PLEC: variants seen among roughly 807,000 people sequenced by gnomAD.
The protein encoded by PLEC is hemidesmosomal protein 1.
A neutral mutation model predicts 392.8 loss-of-function variants in PLEC; 216 were observed. That is an observed-to-expected ratio of 0.55 (90% CI 0.49 to 0.62). PLEC has a LOEUF of 0.62. Among genes scored for constraint, PLEC ranks in the 20% least tolerant of loss-of-function variants. PLEC has a pLI of 0.00. For synonymous variants in PLEC, 3,621 were observed against 2,980.6 expected (o/e 1.21, Z -7.00); for missense variants, 6,863 against 6,563.4 (o/e 1.05, Z -1.58).
rs1372423608 is a variant in PLEC at position 143,924,335 on chromosome 8, CGCTCGTTCTCCGCCTCCTTCTCCTTGA to C, written c.5567_5593del (p.Leu1856_Glu1864del). The C allele has an allele frequency of 6.3e-7, 1 of 1,596,534 alleles. No individual in the cohort carries two copies. Among genetic ancestry groups the C allele is most frequent in the Non-Finnish European group, 8.5e-7 (1 of 1,178,630 alleles). ...CTCGTCCTCCGCCAGCCGCCGCAGG[CGCTCGTTCTCCGCCTCCTTCTCCTTGA>C]GCGCGATCTCCGCCTCCGTCTTGAG... On this transcript the variant is annotated inframe_deletion, in exon 31 of 32. Transcript: ENST00000345136.
At position 143,927,099 on chromosome 8, in the gene PLEC, G is replaced by A. The variant is rs62522552; in HGVS notation, c.3841-18C>T. 0.19 allele frequency: 300,869 copies of A among 1,598,542 alleles called. 31,574 individuals are homozygous for A. Among genetic ancestry groups the A allele is most frequent in the Non-Finnish European group, 0.22 (252,282 of 1,170,530 alleles). ...TCATAGTCCTGTGGCAATGCACTGC[G>A]GTCAGCCACCAGCTCTGCCCTCCGA... On this transcript the variant is annotated intron_variant, in intron 28 of 31. Coordinates refer to ENST00000345136, the MANE Select transcript of PLEC (RefSeq NM_201384.3).
chr8:143,944,818 G>A, intron 1 of PLEC: 1 of 731,040 alleles, frequency 1.4e-6, no homozygotes, highest in East Asian at 3.4e-5. Flanking sequence ...TGGGGGAGGG[G>A]AGCAGTGGGC....
intron 1 of PLEC, 91 bp downstream of exon 1, chr8:143,939,259 G>A (rs1193474802): frequency 1.0e-5 from 15 of 1,503,146 alleles, no homozygotes; most frequent in South Asian, 4.8e-5. Flanking sequence ...GCCCCCCAGC[G>A]GTGCCAAGGC....
In PLEC at chr8:143,922,068, C is replaced by CCTCCTGCTGCCGCCGCTGCTG; in HGVS notation, c.7732_7752dup (p.Gln2578_Glu2584dup). ...CTCTGGTTCTCCTCAGCCAGCAGCTCCTCCTGCTGCCGCCGCTGCTGCTCC... is the reference window on the plus strand; with the variant it reads ...CTCTGGTTCTCCTCAGCCAGCAGCTCCTCCTGCTGCCGCCGCTGCTGCTCCTGCTGCCGCCGCTGCTGCTCC... On this transcript the variant is annotated inframe_insertion, in exon 32 of 32. Coordinates refer to ENST00000345136, the MANE Select transcript of PLEC (RefSeq NM_201384.3). The CCTCCTGCTGCCGCCGCTGCTG allele has an allele frequency of 6.3e-7, 1 of 1,583,910 alleles. No homozygotes were observed. The highest frequency in any genetic ancestry group is 8.5e-7 in the Non-Finnish European group (1 of 1,173,080).
chr8:143,925,761 C>T lies in PLEC; in HGVS notation c.4168G>A (p.Ala1390Thr), dbSNP rs1482394059. The change falls in exon 31 of 32, where the codon GCG becomes ACG. Residue 1390 changes from alanine to threonine, a missense_variant. Physicochemically the swap from Ala to Thr is moderately conservative, Grantham distance 58 (BLOSUM62 0). Coordinates refer to ENST00000345136, the MANE Select transcript of PLEC (RefSeq NM_201384.3). ...AQAKAQAERE[A>T]KELQQRMQEE... ...TGCATGCGCTGCTGCAGCTCCTTCG[C>T]CTCCCGCTCCGCCTGTGCCTTTGCC... is the stretch of plus-strand genomic sequence containing the variant. 2 of 1,591,818 alleles carry T rather than the reference C, an allele frequency of 1.3e-6. No individual in the cohort carries two copies. The highest frequency in any genetic ancestry group is 1.7e-6 in the Non-Finnish European group (2 of 1,176,358).
At chr8:143,952,194 ACACACACACACACACG>A (rs1832233574), upstream of PLEC, among the ~76,000 whole-genome samples, 1 of 124,578 alleles carries the variant, frequency 8.0e-6, no homozygotes, top group African/African-American at 3.6e-5. Flanking sequence ...ACACACACAC[ACACACACACACACACG>A]CGCGCACACA....
rs201927593 is a variant in PLEC, at chr8:143,932,553, G to A, written c.1824C>T (p.Ser608=). The change falls in exon 16 of 32, where the codon TCC becomes TCT. Residue 608 remains serine (S), a synonymous_variant. Transcript: ENST00000345136. Reference sequence around the variant, plus strand: ...TCTCCAGGGACCTGAGGCGGGCCTTGGAGGAGTTCTGTGGGCAGGAGGGTG... The same window carrying A: ...TCTCCAGGGACCTGAGGCGGGCCTTAGAGGAGTTCTGTGGGCAGGAGGGTG... The part of the protein sequence containing the change: ...DLQYAKLLNS[S]KARLRSLESL... 2.5e-4 allele frequency: 396 copies of A among 1,612,548 alleles called. 1 individual carries two copies. The African/African-American group carries it at 4.6e-3, about 19-fold the overall frequency.
At chr8:143,966,806 A>T (rs555308060) in intron 1 of PLEC, among the ~76,000 whole-genome samples, 1 of 152,238 alleles carries the variant, frequency 6.6e-6, no homozygotes, top group South Asian at 2.1e-4. Flanking sequence ...GATGTTTACA[A>T]TCATCCCTGT....
At position 143,916,740 on chromosome 8, in the gene PLEC, C is replaced by T; in HGVS notation, c.13081G>A (p.Asp4361Asn). The change falls in exon 32 of 32, where the codon GAC (aspartate) becomes AAC (asparagine). Residue 4361 changes from aspartate to asparagine, a missense_variant. Coordinates refer to ENST00000345136, the MANE Select transcript of PLEC (RefSeq NM_201384.3). ...GACATCTTGGTCTTGGTGCGTGGGT[C>T]CTCGAAGCCGCAGAAGGCCTTCTGG... ...LAQKAFCGFE[D>N]PRTKTKMSAA... 6.2e-7 allele frequency: 1 copy of T among 1,613,166 alleles called. No homozygotes were observed. The highest frequency in any genetic ancestry group is 2.2e-5 in the East Asian group (1 of 44,870).
At chr8:143,951,897 C>A (rs1331625663), upstream of PLEC, among the ~76,000 whole-genome samples, 1 of 152,146 alleles carries the variant, frequency 6.6e-6, no homozygotes, top group African/African-American at 2.4e-5. Flanking sequence ...GCTGCCGCCC[C>A]CACTGAGGGT....
At position 143,917,753 on chromosome 8, in the gene PLEC, A is replaced by T; in HGVS notation, c.12068T>A (p.Ile4023Asn). 6.2e-7 allele frequency: 1 copy of T among 1,613,452 alleles called. No homozygotes were observed. Among genetic ancestry groups the T allele is most frequent in the Non-Finnish European group, 8.5e-7 (1 of 1,179,972 alleles). ...GYKDPYSGKL[I>N]SLFQAMKKGL... Reference sequence around the variant, plus strand: ...CTTCTTCATGGCCTGGAAGAGGGAGATGAGCTTCCCAGAGTAGGGGTCCTT... The same window carrying T: ...CTTCTTCATGGCCTGGAAGAGGGAGTTGAGCTTCCCAGAGTAGGGGTCCTT... The change falls in exon 32 of 32, where the codon ATC becomes AAC. Residue 4023 changes from isoleucine to asparagine, a missense_variant. Coordinates refer to ENST00000345136, the MANE Select transcript of PLEC (RefSeq NM_201384.3).
chr8:143,916,732 G>A lies in PLEC; in HGVS notation c.13089C>T (p.Arg4363=). The A allele has an allele frequency of 6.2e-7, 1 of 1,613,134 alleles. No homozygotes were observed. The stretch of plus-strand genomic sequence containing the variant: ...GGGCGGCCGACATCTTGGTCTTGGT[G>A]CGTGGGTCCTCGAAGCCGCAGAAGG... ...QKAFCGFEDP[R]TKTKMSAAQA... is the part of the protein sequence containing the mutation. Residue 4363 remains arginine, a synonymous_variant, in exon 32 of 32, where the codon CGC becomes CGT. Transcript: ENST00000345136.
chr8:143,936,148 C>A, intron 5 of PLEC, 134 bp from the exon 6 acceptor site: 2 of 946,464 alleles, frequency 2.1e-6, no homozygotes, highest in South Asian at 2.8e-5. Flanking sequence ...CCAGCCAGGG[C>A]AGCACCGGGC....
At chr8:143,973,965 C>T (rs1407585465), upstream of PLEC, among the ~76,000 whole-genome samples, 2 of 152,232 alleles carry the variant, frequency 1.3e-5, no homozygotes, top group Non-Finnish European at 2.9e-5. This position sits in a 1 kb window ranked among gnomAD's most constrained non-coding sequence, Gnocchi z 5.6. Context: ...ATTAAGTACA[C>T]ATACGAGGAC....
In PLEC at chr8:143,937,111, G is replaced by T. The variant is rs536209277; in HGVS notation, c.343-40C>A. On this transcript the variant is annotated intron_variant, in intron 4 of 31. Transcript: ENST00000345136. Reference sequence around the variant, plus strand: ...CTCTCGGTCACGGCCCACAGGGCGGGGCTGGCTTGGTGAGGGGTCTGGGTG... The same window carrying T: ...CTCTCGGTCACGGCCCACAGGGCGGTGCTGGCTTGGTGAGGGGTCTGGGTG... 3.1e-6 allele frequency: 5 copies of T among 1,608,736 alleles called. No homozygotes were observed. In the South Asian group the frequency reaches 5.5e-5, roughly 18 times the overall value.
chr8:143,932,814 G>T lies in PLEC; in HGVS notation c.1716C>A (p.Ile572=). The part of the protein sequence containing the change: ...HQSIEEFRAK[I]ERARSDEGQL... ...CCACCTCGTCACTCCGTGCCCGCTC[G>T]ATCTTGGCCCGGAATTCTTCGATGG... The change falls in exon 14 of 32, where the codon ATC becomes ATA. Residue 572 remains isoleucine, a synonymous_variant. Transcript: ENST00000345136. 1 of 1,612,476 alleles carries T rather than the reference G, an allele frequency of 6.2e-7. No homozygotes were observed. Among genetic ancestry groups the T allele is most frequent in the Non-Finnish European group, 8.5e-7 (1 of 1,179,878 alleles).
chr8:143,951,932 A>G (rs1832193351), upstream of PLEC, among the ~76,000 whole-genome samples: 1 of 145,686 alleles, frequency 6.9e-6, no homozygotes, highest in African/African-American at 2.6e-5. Context: ...CGCACCCAAC[A>G]CTCCCACTGT....
At chr8:143,948,511 T>C (rs1564205662) in intron 1 of PLEC, among the ~76,000 whole-genome samples, 4 of 152,242 alleles carry the variant, frequency 2.6e-5, no homozygotes, top group East Asian at 3.9e-4. Context: ...TAGCTTCCCA[T>C]CCCAAGCTCA....
At chr8:143,938,388 C>G in intron 2 of PLEC, 148 bp from the exon 3 acceptor site, 2 of 1,535,394 alleles carry the variant, frequency 1.3e-6, no homozygotes, top group Non-Finnish European at 1.7e-6. Flanking sequence ...CCCTGCCCCA[C>G]GGAGGCACCT....
Sources: gnomAD v4.1 joint callset for allele counts (sites outside exome capture counted in the v4.1 genomes callset) on GRCh38, gnomAD v4.1.1 for gene constraint, Gnocchi (gnomAD v3.1) non-coding constraint, MANE v1.5 for transcripts, NCBI Gene and HGNC (gene_info 2026-07-23, HGNC 2026-07-21) for gene names.